The following CDIN1 variants were observed in gnomAD, a reference collection of about 807,000 sequenced individuals.
CDIN1 encodes the protein CDAN1 interacting nuclease 1.
A neutral mutation model predicts 45.3 loss-of-function variants in CDIN1; 33 were observed. That is an observed-to-expected ratio of 0.73 (90% CI 0.55 to 0.97). The LOEUF (loss-of-function observed/expected upper bound fraction) is 0.97, where lower values mean the gene tolerates loss of function less well. Ranked by LOEUF, CDIN1 falls within the 50% of genes least tolerant of loss-of-function variation. The pLI is 0.00. For synonymous variants in CDIN1, 118 were observed against 124.4 expected, an observed-to-expected ratio of 0.95 and a Z score of 0.34; for missense variants, 303 against 339.4, an observed-to-expected ratio of 0.89 and a Z score of 0.84.
rs141034277 is a variant in CDIN1 at position 36,770,048 on chromosome 15, C to T, written c.717-38276C>T. On this transcript the variant is annotated intron_variant, in intron 10 of 10. Transcript: ENST00000566621. ...CCTTGATTATTTCTCCCCTTTCAGC[C>T]TTGTTTTTCTTCCCCACTCAGCTTG... Among the ~76,000 whole-genome samples the T allele has an allele frequency of 1.2e-4, 18 of 152,180 alleles. No individual in the cohort carries two copies. In the East Asian group the frequency reaches 2.9e-3, roughly 25 times the overall value.
intron 10 of CDIN1, among the ~76,000 whole-genome samples, chr15:36,761,217 C>T (rs189003202): frequency 6.6e-6 from 1 of 152,318 alleles, no homozygotes; most frequent in East Asian, 1.9e-4. Flanking sequence ...GCTCAGGACA[C>T]TAGATATTTC....
At chr15:36,759,152 G>A (rs2053688856) in intron 10 of CDIN1, among the ~76,000 whole-genome samples, 3 of 152,096 alleles carry the variant, frequency 2.0e-5, no homozygotes. Context: ...ATCGAGGGGT[G>A]CAGGACCCCA....
chr15:36,775,819 G>T (rs2054204761), intron 10 of CDIN1, among the ~76,000 whole-genome samples: 1 of 152,162 alleles, frequency 6.6e-6, no homozygotes, highest in South Asian at 2.1e-4. Flanking sequence ...TTTACATTAT[G>T]TTCATTTTTT....
chr15:36,611,497 A>T (rs1374639801), intron 1 of CDIN1, among the ~76,000 whole-genome samples: 1 of 152,168 alleles, frequency 6.6e-6, no homozygotes, highest in South Asian at 2.1e-4. Context: ...ATGAAGAAAG[A>T]CTGAGAAGGA....
intron 1 of CDIN1, among the ~76,000 whole-genome samples, chr15:36,621,938 A>G (rs368586743): frequency 6.6e-6 from 1 of 150,888 alleles, no homozygotes; most frequent in Non-Finnish European, 1.5e-5. Context: ...ATGATAGACT[A>G]AATGAAATCC....
At chr15:36,776,425 G>A (rs961441000) in intron 10 of CDIN1, among the ~76,000 whole-genome samples, 7 of 151,834 alleles carry the variant, frequency 4.6e-5, no homozygotes, top group African/African-American at 1.7e-4. Flanking sequence ...ATCAGGTGGA[G>A]AGAACACTCC....
intron 10 of CDIN1, among the ~76,000 whole-genome samples, chr15:36,732,338 A>G (rs933490113): frequency 6.6e-6 from 1 of 152,124 alleles, no homozygotes; most frequent in Non-Finnish European, 1.5e-5. Flanking sequence ...GAGACATCCT[A>G]ACCAAATGCA....
chr15:36,777,524 T>C (rs1396154392), intron 10 of CDIN1, among the ~76,000 whole-genome samples: 1 of 152,176 alleles, frequency 6.6e-6, no homozygotes, highest in Non-Finnish European at 1.5e-5. Context: ...AGTCAACCAT[T>C]TGGACATCTA....
chr15:36,772,334 C>T (rs770995268), intron 10 of CDIN1, among the ~76,000 whole-genome samples: 1 of 152,102 alleles, frequency 6.6e-6, no homozygotes. Flanking sequence ...TATATGAATA[C>T]ATTTGATTGC....
At chr15:36,795,136 G>A (rs1452596160) in intron 10 of CDIN1, among the ~76,000 whole-genome samples, 1 of 152,200 alleles carries the variant, frequency 6.6e-6, no homozygotes, top group African/African-American at 2.4e-5. Flanking sequence ...CGGGAAGAGT[G>A]TGAGTTTAAG....
intron 9 of CDIN1, 21 bp from the exon 10 acceptor site, chr15:36,709,835 T>C: frequency 1.3e-6 from 2 of 1,585,642 alleles, no homozygotes; most frequent in Non-Finnish European, 8.7e-7. Context: ...CTCCGTATAT[T>C]AGTAATGCTT....
At chr15:36,800,674 C>T (rs1048311966) in intron 10 of CDIN1, among the ~76,000 whole-genome samples, 5 of 151,502 alleles carry the variant, frequency 3.3e-5, no homozygotes, top group African/African-American at 1.2e-4. Context: ...GTTTCTCCTT[C>T]ATCGTGAACT....
At chr15:36,681,107 C>G (rs1053245603) in intron 5 of CDIN1, among the ~76,000 whole-genome samples, 1 of 151,578 alleles carries the variant, frequency 6.6e-6, no homozygotes, top group African/African-American at 2.4e-5. Flanking sequence ...AACTATAAGA[C>G]AAAGTATATA....
intron 1 of CDIN1, among the ~76,000 whole-genome samples, chr15:36,580,286 G>C (rs4924085): frequency 0.85 from 128,883 of 152,194 alleles, 54,760 homozygotes; most frequent in Middle Eastern, 0.96. Flanking sequence ...TTGACAGATA[G>C]TAGGAATGAA....
chr15:36,803,182 T>C (rs2055106961), intron 10 of CDIN1, among the ~76,000 whole-genome samples: 1 of 151,430 alleles, frequency 6.6e-6, no homozygotes. Context: ...ATAACCAAGT[T>C]TACCAAAACA....
rs1355334751 is a variant in CDIN1 at position 36,645,251 on chromosome 15, A to G, written c.176A>G (p.His59Arg). ...QKHIKRTHAKHHTSEAIESYY... is the reference protein window; with the variant it reads ...QKHIKRTHAKRHTSEAIESYY... ...CACATTAAAAGAACACATGCCAAACATCATACTTCGGAAGCAATTGAAAGT... is the reference window on the plus strand; with the variant it reads ...CACATTAAAAGAACACATGCCAAACGTCATACTTCGGAAGCAATTGAAAGT... The change falls in exon 3 of 11, where the codon CAT becomes CGT. Residue 59 changes from histidine to arginine, a missense_variant. By Grantham distance (29) the His-to-Arg change is conservative. Coordinates refer to ENST00000566621, the MANE Select transcript of CDIN1 (RefSeq NM_001321759.2). 4 of 1,553,254 alleles carry G rather than the reference A, an allele frequency of 2.6e-6. No homozygotes were observed. The highest frequency in any genetic ancestry group is 3.9e-5 in the Admixed American group (2 of 51,336).
chr15:36,606,206 A>C (rs2038372638), intron 1 of CDIN1, among the ~76,000 whole-genome samples: 2 of 152,068 alleles, frequency 1.3e-5, no homozygotes, highest in Admixed American at 1.3e-4. Flanking sequence ...CACTATGAAT[A>C]TGTTTCTGAG....
intron 1 of CDIN1, among the ~76,000 whole-genome samples, chr15:36,629,218 A>G (rs1441760485): frequency 6.6e-6 from 1 of 152,226 alleles, no homozygotes; most frequent in Non-Finnish European, 1.5e-5. Flanking sequence ...TACAGTAACC[A>G]TAGGAAACTA....
At chr15:36,597,461 T>G (rs531004283) in intron 1 of CDIN1, among the ~76,000 whole-genome samples, 1 of 152,300 alleles carries the variant, frequency 6.6e-6, no homozygotes, top group South Asian at 2.1e-4. Context: ...GCTAAAGTGG[T>G]TTTTTGCTCA....
Sources: gnomAD v4.1 joint callset for allele counts (sites outside exome capture counted in the v4.1 genomes callset) on GRCh38, gnomAD v4.1.1 for gene constraint, MANE v1.5 for transcripts, NCBI Gene and HGNC (gene_info 2026-07-23, HGNC 2026-07-21) for gene names.